GRID2: variants seen among roughly 807,000 people sequenced by gnomAD.
GRID2 encodes the protein glutamate receptor ionotropic, delta-2.
GRID2 carries 33 observed loss-of-function variants against 114.8 expected under a neutral mutation model. That is an observed-to-expected ratio of 0.29 (90% CI 0.22 to 0.38). The LOEUF (loss-of-function observed/expected upper bound fraction) is 0.38. GRID2 is among the 10% of genes least tolerant of loss of function. The probability of loss-of-function intolerance (pLI) is 1.00; values close to 1 mark genes in which losing one functional copy is unlikely to be tolerated. For missense variants in GRID2, 1,184 were observed against 1,257.7 expected, an observed-to-expected ratio of 0.94 and a Z score of 0.89; for synonymous variants, 505 against 449.9, an observed-to-expected ratio of 1.12 and a Z score of -1.55.
intron 1 of GRID2, among the ~76,000 whole-genome samples, chr4:92,575,423 C>T (rs1560466874): frequency 6.6e-6 from 1 of 152,280 alleles, no homozygotes; most frequent in East Asian, 1.9e-4. Context: ...TGTGTTTTTG[C>T]AATGGTTCTT....
At chr4:92,803,791 A>G (rs1202744119) in intron 2 of GRID2, among the ~76,000 whole-genome samples, 2 of 152,022 alleles carry the variant, frequency 1.3e-5, no homozygotes, top group African/African-American at 4.8e-5. Flanking sequence ...TGTTTCTTAG[A>G]GCTGCTGTAA....
intron 1 of GRID2, among the ~76,000 whole-genome samples, chr4:92,447,556 TACTTA>T (rs1241628247): frequency 6.6e-6 from 1 of 152,212 alleles, no homozygotes; most frequent in Non-Finnish European, 1.5e-5. Flanking sequence ...GCTCTTACAG[TACTTA>T]ACTTCTTATC....
chr4:93,306,319 G>T lies in GRID2; in HGVS notation c.1245+67829G>T, dbSNP rs1269250490. ...TTCTTCATTCATTAAACATTTTCCA[G>T]ATGTGAGATTGCTCATTTCATTCGT... On this transcript the variant is annotated intron_variant, in intron 8 of 15. Coordinates refer to ENST00000282020, the MANE Select transcript of GRID2 (RefSeq NM_001510.4). The T allele has an allele frequency of 3.3e-5, 5 of 152,156 alleles. No homozygotes were observed. In the East Asian group the frequency reaches 9.6e-4, roughly 29 times the overall value. 9.4% of individuals were successfully genotyped at this position (152,156 alleles called of 1,614,324 possible). A position where few individuals can be genotyped will look rare whatever the true frequency, so the allele number is the denominator to read the frequency against.
chr4:92,996,757 C>G (rs1051946206), intron 2 of GRID2, among the ~76,000 whole-genome samples: 13 of 152,126 alleles, frequency 8.5e-5, no homozygotes, highest in African/African-American at 2.9e-4. Flanking sequence ...TGACTTCTGG[C>G]ACCCGTTGGA....
At chr4:92,956,245 C>A (rs982929850) in intron 2 of GRID2, among the ~76,000 whole-genome samples, 1 of 152,096 alleles carries the variant, frequency 6.6e-6, no homozygotes, top group Non-Finnish European at 1.5e-5. Context: ...ATTACCAACC[C>A]GGGTTCACAG....
chr4:93,726,998 C>A (rs912869368), intron 14 of GRID2, among the ~76,000 whole-genome samples: 2 of 152,088 alleles, frequency 1.3e-5, no homozygotes, highest in African/African-American at 4.8e-5. Flanking sequence ...GCCTGATTGC[C>A]CTGGCCAGAA....
intron 1 of GRID2, among the ~76,000 whole-genome samples, chr4:92,348,901 A>C (rs1727921093): frequency 6.6e-6 from 1 of 152,164 alleles, no homozygotes; most frequent in Admixed American, 6.6e-5. Context: ...AACTAATTAC[A>C]ATATTAATTA....
At chr4:93,195,527 T>C (rs1365066020) in intron 4 of GRID2, among the ~76,000 whole-genome samples, 1 of 152,164 alleles carries the variant, frequency 6.6e-6, no homozygotes, top group Non-Finnish European at 1.5e-5. Flanking sequence ...TATTTGTGTA[T>C]GGCCAAATAA....
intron 4 of GRID2, among the ~76,000 whole-genome samples, chr4:93,185,814 G>A (rs1192289927): frequency 1.3e-5 from 2 of 152,142 alleles, no homozygotes; most frequent in Non-Finnish European, 2.9e-5. Flanking sequence ...TGTTACATAT[G>A]TATACATGTG....
At chr4:92,884,286 C>T (rs1253094196) in intron 2 of GRID2, among the ~76,000 whole-genome samples, 1 of 152,162 alleles carries the variant, frequency 6.6e-6, no homozygotes, top group Non-Finnish European at 1.5e-5. Flanking sequence ...GGGTCTTGCT[C>T]TGCATTAGGT....
At chr4:93,505,361 AT>A (rs1331764955) in intron 12 of GRID2, among the ~76,000 whole-genome samples, 1 of 152,010 alleles carries the variant, frequency 6.6e-6, no homozygotes, top group Non-Finnish European at 1.5e-5. Flanking sequence ...CTTAACATAA[AT>A]TTTACAATCA....
intron 11 of GRID2, among the ~76,000 whole-genome samples, chr4:93,461,056 G>A (rs1369082487): frequency 1.3e-5 from 2 of 152,112 alleles, no homozygotes; most frequent in Non-Finnish European, 2.9e-5. Context: ...TGGTTAGCAT[G>A]CTTTTCTAGT....
At chr4:92,707,195 C>A (rs1039519581) in intron 2 of GRID2, among the ~76,000 whole-genome samples, 2 of 152,046 alleles carry the variant, frequency 1.3e-5, no homozygotes, top group Non-Finnish European at 2.9e-5. Context: ...GAATCTGAGT[C>A]TTCTGAAATT....
intron 3 of GRID2, among the ~76,000 whole-genome samples, chr4:93,097,385 T>C (rs1424913574): frequency 6.6e-6 from 1 of 151,918 alleles, no homozygotes; most frequent in Non-Finnish European, 1.5e-5. Flanking sequence ...ATCATAATTT[T>C]AAACTAAACA....
In GRID2 at chr4:92,611,068, GTATATATATA is replaced by G. The variant is rs748452550; in HGVS notation, c.244+20784_244+20793del. The stretch of plus-strand genomic sequence containing the variant: ...TAGCTGTATATATATATGTGTGTGT[GTATATATATA>G]TGTGTGTATATATATGTGTGTGTGT... On this transcript the variant is annotated intron_variant, in intron 2 of 15. Transcript: ENST00000282020. 6.2e-4 allele frequency among the ~76,000 whole-genome samples: 84 copies of G among 135,600 alleles called. 1 individual carries two copies. Among genetic ancestry groups the G allele is most frequent in the East Asian group, 3.6e-3 (15 of 4,180 alleles). The allele number at this position is 135,600 out of a possible 152,430, so 89.0% of individuals were successfully genotyped here.
intron 2 of GRID2, among the ~76,000 whole-genome samples, chr4:92,714,476 C>T (rs972634671): frequency 6.6e-6 from 1 of 152,108 alleles, no homozygotes; most frequent in Non-Finnish European, 1.5e-5. Flanking sequence ...CTAGGCAGTG[C>T]CCCAGTGGGG....
intron 7 of GRID2, among the ~76,000 whole-genome samples, chr4:93,229,201 T>TACATTGACATCTAAA (rs1745838781): frequency 6.6e-6 from 1 of 152,202 alleles, no homozygotes; most frequent in Admixed American, 6.6e-5. Context: ...TATGAGTGTT[T>TACATTGACATCTAAA]TTGGTCACCT....
intron 1 of GRID2, among the ~76,000 whole-genome samples, chr4:92,510,639 T>C (rs1030243299): frequency 3.3e-5 from 5 of 151,752 alleles, no homozygotes; most frequent in African/African-American, 1.2e-4. Flanking sequence ...GAATACACTC[T>C]AGTGTTCTAT....
At position 92,993,307 on chromosome 4, in the gene GRID2, A is replaced by G. The variant is rs140712162; in HGVS notation, c.245-91688A>G. Among the ~76,000 whole-genome samples the G allele has an allele frequency of 6.1e-3, 928 of 151,976 alleles. 16 individuals carry two copies. The highest frequency in any genetic ancestry group is 0.021 in the African/African-American group (880 of 41,468). On this transcript the variant is annotated intron_variant, in intron 2 of 15. Transcript: ENST00000282020. ...TAGTAGCATTAAAAAAAAAAAACAAAAAACTTTCTGTTGAATGCAGTTACT... is the reference window on the plus strand; with the variant it reads ...TAGTAGCATTAAAAAAAAAAAACAAGAAACTTTCTGTTGAATGCAGTTACT...
Sources: allele counts gnomAD v4.1 joint callset (sites outside exome capture counted in the v4.1 genomes callset), GRCh38; gene constraint gnomAD v4.1.1; transcripts MANE v1.5; gene names NCBI Gene and HGNC (gene_info 2026-07-23, HGNC 2026-07-21).